The following ADAMTSL1 variants were observed in gnomAD, a reference collection of about 807,000 sequenced individuals.
ADAMTSL1 encodes the protein ADAMTS like 1.
ADAMTSL1 carries 126 observed loss-of-function variants against 201.8 expected under a neutral mutation model. The observed-to-expected ratio is 0.62, with a 90% CI of 0.54 to 0.72. The LOEUF (loss-of-function observed/expected upper bound fraction) is 0.72. ADAMTSL1 is among the 30% of genes least tolerant of loss of function. The pLI is 0.00. For synonymous variants in ADAMTSL1, 1,121 were observed against 903.4 expected, an observed-to-expected ratio of 1.24 and a Z score of -4.32; for missense variants, 2,679 against 2,277.8, an observed-to-expected ratio of 1.18 and a Z score of -3.59.
In ADAMTSL1 at chr9:18,616,824, C is replaced by A. The variant is rs79210356; in HGVS notation, c.475-5419C>A. Among the ~76,000 whole-genome samples, 1,399 of 152,160 alleles carry A rather than the reference C, an allele frequency of 9.2e-3. 17 individuals are homozygous for A. The highest frequency in any genetic ancestry group is 0.032 in the African/African-American group (1,348 of 41,502). ...TTATGGTTATTTATATGCTATAAATCTTTTTATTATTTAATGAAAGGTTAA... is the reference window on the plus strand; with the variant it reads ...TTATGGTTATTTATATGCTATAAATATTTTTATTATTTAATGAAAGGTTAA... On this transcript the variant is annotated intron_variant, in intron 4 of 28. Transcript: ENST00000380548.
chr9:18,817,366 C>A, intron 21 of ADAMTSL1, 129 bp downstream of exon 21: 3 of 902,474 alleles, frequency 3.3e-6, no homozygotes, highest in South Asian at 2.0e-5. Context: ...AAGCATGAAC[C>A]TCAGTCGCTC....
intron 2 of ADAMTSL1, among the ~76,000 whole-genome samples, chr9:18,439,834 A>G (rs1462639277): frequency 1.3e-5 from 2 of 152,166 alleles, no homozygotes; most frequent in Non-Finnish European, 2.9e-5. Flanking sequence ...ATCTTCATAC[A>G]GCCGTTTGAT....
intron 25 of ADAMTSL1, among the ~76,000 whole-genome samples, chr9:18,890,262 A>T (rs1450266111): frequency 2.6e-5 from 4 of 152,178 alleles, no homozygotes; most frequent in Non-Finnish European, 5.9e-5. Context: ...AGTTGGAATA[A>T]ATCTCTGTTT....
At position 18,574,073 on chromosome 9, in the gene ADAMTSL1, C is replaced by T. The variant is rs190050504; in HGVS notation, c.281C>T (p.Ser94Leu). The T allele has an allele frequency of 1.5e-4, 245 of 1,614,068 alleles. 1 individual carries two copies. The Admixed American group carries it at 3.5e-3, about 23-fold the overall frequency. Residue 94 changes from serine (S) to leucine (L), a missense_variant, in exon 4 of 29, where the codon TCA becomes TTA. Physicochemically the swap from Ser to Leu is moderately radical, Grantham distance 145 (BLOSUM62 -2). Transcript: ENST00000380548. ...EAGDFRAQQC[S>L]AHNDVKHHGQ... ...GGTGATTTCCGAGCTCAGCAATGCT[C>T]AGCTCATAATGATGTCAAGCACCAT...
At chr9:18,465,295 C>A (rs1371347399) in intron 2 of ADAMTSL1, among the ~76,000 whole-genome samples, 1 of 152,188 alleles carries the variant, frequency 6.6e-6, no homozygotes, top group East Asian at 1.9e-4. Context: ...TTGCTTAGTC[C>A]TGCCACCCTG....
At chr9:18,089,334 G>C (rs1413778455) in intron 1 of ADAMTSL1, among the ~76,000 whole-genome samples, 1 of 152,074 alleles carries the variant, frequency 6.6e-6, no homozygotes, top group East Asian at 1.9e-4. Context: ...ATGAAGCTGG[G>C]AACCATCGTT....
chr9:18,214,416 T>A (rs973128897), intron 2 of ADAMTSL1, among the ~76,000 whole-genome samples: 2 of 152,222 alleles, frequency 1.3e-5, no homozygotes, highest in Non-Finnish European at 2.9e-5. Context: ...AGAGATGATG[T>A]ACTTTGTTTT....
At chr9:18,419,640 A>G (rs375822827) in intron 2 of ADAMTSL1, among the ~76,000 whole-genome samples, 5 of 152,164 alleles carry the variant, frequency 3.3e-5, no homozygotes, top group African/African-American at 9.7e-5. Context: ...TAGACACACT[A>G]CATGTGATAC....
At chr9:17,921,063 C>A (rs893791517) in intron 1 of ADAMTSL1, among the ~76,000 whole-genome samples, 57 of 152,158 alleles carry the variant, frequency 3.7e-4, no homozygotes, top group Admixed American at 3.7e-3. Context: ...AATTTCCTTT[C>A]CAACATTTTA....
chr9:18,231,715 A>G (rs760815127), intron 2 of ADAMTSL1, among the ~76,000 whole-genome samples: 3 of 152,214 alleles, frequency 2.0e-5, no homozygotes, highest in Non-Finnish European at 4.4e-5. Context: ...GTCTAAAAGG[A>G]ATCTCCAACT....
intron 2 of ADAMTSL1, among the ~76,000 whole-genome samples, chr9:18,451,116 A>G (rs1820388047): frequency 1.3e-5 from 2 of 152,216 alleles, no homozygotes; most frequent in South Asian, 4.1e-4. Flanking sequence ...GGAAGCCATC[A>G]GCACACCACA....
At chr9:18,441,919 A>G (rs1236840150) in intron 2 of ADAMTSL1, among the ~76,000 whole-genome samples, 1 of 152,224 alleles carries the variant, frequency 6.6e-6, no homozygotes, top group Non-Finnish European at 1.5e-5. Flanking sequence ...AAGGCAAAAT[A>G]TATGTTGTAA....
At chr9:18,417,172 A>C (rs943183087) in intron 2 of ADAMTSL1, among the ~76,000 whole-genome samples, 1 of 152,030 alleles carries the variant, frequency 6.6e-6, no homozygotes, top group Non-Finnish European at 1.5e-5. Context: ...TAAGTAAGCC[A>C]TGTACCAAAG....
chr9:18,481,741 G>A (rs1821739030), intron 1 of ADAMTSL1, among the ~76,000 whole-genome samples: 1 of 152,094 alleles, frequency 6.6e-6, no homozygotes, highest in African/African-American at 2.4e-5. Context: ...AACATGAAAA[G>A]TTATTTTTAC....
chr9:18,715,487 T>A (rs1832868236), intron 14 of ADAMTSL1, among the ~76,000 whole-genome samples: 1 of 152,118 alleles, frequency 6.6e-6, no homozygotes, highest in East Asian at 1.9e-4. Flanking sequence ...CCATTCACAA[T>A]TGCTTCAAAG....
intron 2 of ADAMTSL1, among the ~76,000 whole-genome samples, chr9:18,395,341 G>A (rs1011114179): frequency 2.0e-5 from 3 of 152,326 alleles, no homozygotes; most frequent in South Asian, 2.1e-4. Context: ...AATGAAAAAT[G>A]TGGGTATTGG....
At chr9:18,680,556 T>TCC in intron 11 of ADAMTSL1, 40 bp downstream of exon 11, 1 of 1,601,916 alleles carries the variant, frequency 6.2e-7, no homozygotes, top group Non-Finnish European at 8.5e-7. Context: ...GGAGAGTAAG[T>TCC]CCACTCTTCC....
At position 17,910,970 on chromosome 9, in the gene ADAMTSL1, C is replaced by G. The variant is rs1406425486; in HGVS notation, c.87+4048C>G. Among the ~76,000 whole-genome samples the G allele has an allele frequency of 1.2e-4, 8 of 68,670 alleles. 4 individuals carry two copies. The highest frequency in any genetic ancestry group is 3.6e-4 in the Non-Finnish European group (8 of 22,390). The allele number at this position is 68,670 out of a possible 152,430, so 45.1% of individuals were successfully genotyped here. On this transcript the variant is annotated intron_variant, in intron 1 of 29. Transcript: ENST00000680146. ...ACATGAAGGTATAACAAACAGACCT[C>G]CCGTGTAGATACTGTAGCTATAGTG...
At chr9:18,270,767 G>A (rs879373957) in intron 2 of ADAMTSL1, among the ~76,000 whole-genome samples, 15 of 152,274 alleles carry the variant, frequency 9.9e-5, no homozygotes, top group Admixed American at 5.9e-4. Flanking sequence ...CTTCAGCCAA[G>A]GACCACATTT....
Sources: allele counts gnomAD v4.1 joint callset (sites outside exome capture counted in the v4.1 genomes callset), GRCh38; gene constraint gnomAD v4.1.1; transcripts MANE v1.5; gene names NCBI Gene and HGNC (gene_info 2026-07-23, HGNC 2026-07-21).